The following SWT1 variants were observed in gnomAD, a reference collection of about 807,000 sequenced individuals.
SWT1 encodes the protein SWT1 RNA endoribonuclease homolog, also known as transcriptional protein SWT1.
SWT1 carries 33 observed loss-of-function variants against 107.3 expected under a neutral mutation model. That is an observed-to-expected ratio of 0.31 (90% CI 0.23 to 0.41). SWT1 has a LOEUF of 0.41. Ranked by LOEUF, SWT1 falls within the 10% of genes least tolerant of loss-of-function variation. The pLI is 1.00. For missense variants in SWT1, 898 were observed against 1,028.9 expected (o/e 0.87, Z 1.74); for synonymous variants, 345 against 348.3 (o/e 0.99, Z 0.11).
chr1:185,223,670 A>C (rs1659842283), intron 15 of SWT1, among the ~76,000 whole-genome samples: 1 of 152,200 alleles, frequency 6.6e-6, no homozygotes, highest in African/African-American at 2.4e-5. Context: ...CTTTAAGTTC[A>C]GGGGTACATG....
At chr1:185,286,825 C>G (rs762231767) in intron 18 of SWT1, among the ~76,000 whole-genome samples, 20 of 151,922 alleles carry the variant, frequency 1.3e-4, no homozygotes, top group Non-Finnish European at 2.4e-4. Flanking sequence ...ACTTCTAGTA[C>G]AATGTTGAAT....
chr1:185,198,244 G>C (rs1031588971), intron 10 of SWT1, among the ~76,000 whole-genome samples: 2 of 152,126 alleles, frequency 1.3e-5, no homozygotes, highest in African/African-American at 4.8e-5. Flanking sequence ...GACGTTGTGT[G>C]GTTTTGAGTG....
chr1:185,288,654 T>G (rs1052498554), intron 18 of SWT1, among the ~76,000 whole-genome samples: 2 of 152,058 alleles, frequency 1.3e-5, no homozygotes, highest in African/African-American at 2.4e-5. Context: ...AGTGTAACTG[T>G]TAAAATAAAA....
chr1:185,195,172 C>T lies in SWT1; in HGVS notation c.1523+4530C>T, dbSNP rs556649712. On this transcript the variant is annotated intron_variant, in intron 10 of 18. Coordinates refer to ENST00000367500, the MANE Select transcript of SWT1 (RefSeq NM_017673.7). ...TATCCCTCAACCACCCGACAGGCCCCGGTATGTGGTGTTCCCCTCCCTGTG... is the reference window on the plus strand; with the variant it reads ...TATCCCTCAACCACCCGACAGGCCCTGGTATGTGGTGTTCCCCTCCCTGTG... Among the ~76,000 whole-genome samples, 39 of 152,226 alleles carry T rather than the reference C, an allele frequency of 2.6e-4. No individual in the cohort carries two copies. In the South Asian group the frequency reaches 6.2e-3, roughly 24 times the overall value.
At chr1:185,267,410 A>AAT (rs1281777863) in intron 16 of SWT1, among the ~76,000 whole-genome samples, 84 of 152,326 alleles carry the variant, frequency 5.5e-4, no homozygotes, top group Non-Finnish European at 5.9e-5. Flanking sequence ...AGTGTATGTA[A>AAT]AGCAGGGTCA....
At chr1:185,283,165 A>T (rs1664742097) in intron 18 of SWT1, among the ~76,000 whole-genome samples, 1 of 152,172 alleles carries the variant, frequency 6.6e-6, no homozygotes, top group Non-Finnish European at 1.5e-5. Flanking sequence ...CATAAAACTG[A>T]TGGGTTCTAA....
intron 6 of SWT1, among the ~76,000 whole-genome samples, chr1:185,181,186 G>A (rs1025718046): frequency 6.6e-6 from 1 of 152,138 alleles, no homozygotes; most frequent in Non-Finnish European, 1.5e-5. Flanking sequence ...GAGACTTACT[G>A]GAGCCCGGGA....
chr1:185,239,133 T>C (rs1475809392), intron 16 of SWT1, among the ~76,000 whole-genome samples: 1 of 152,086 alleles, frequency 6.6e-6, no homozygotes, highest in Non-Finnish European at 1.5e-5. Context: ...AAGAAGTGAA[T>C]GAAAACATAT....
At chr1:185,166,736 C>G (rs878914027) in intron 3 of SWT1, 84 bp downstream of exon 3, 4 of 828,538 alleles carry the variant, frequency 4.8e-6, no homozygotes, top group Middle Eastern at 2.9e-4. Context: ...TCCTCCTATA[C>G]TTTTTGATAG....
intron 11 of SWT1, among the ~76,000 whole-genome samples, chr1:185,203,064 A>G (rs1658014624): frequency 6.6e-6 from 1 of 152,228 alleles, no homozygotes. Flanking sequence ...TTTTTACATT[A>G]TAATCACTGT....
chr1:185,171,982 C>T (rs569626569), intron 4 of SWT1, among the ~76,000 whole-genome samples: 109 of 152,286 alleles, frequency 7.2e-4, no homozygotes, highest in Admixed American at 2.6e-3. Flanking sequence ...TATAAAAACT[C>T]TGTTTATGGT....
chr1:185,163,507 C>T (rs929156546), intron 2 of SWT1, among the ~76,000 whole-genome samples: 4 of 151,304 alleles, frequency 2.6e-5, no homozygotes, highest in African/African-American at 9.7e-5. Context: ...GATTTTCTTG[C>T]CTCAGCCTCC....
At chr1:185,166,424 A>C in intron 2 of SWT1, 148 bp from the exon 3 acceptor site, 1 of 530,688 alleles carries the variant, frequency 1.9e-6, no homozygotes, top group Non-Finnish European at 3.3e-6. Flanking sequence ...CCTTTTACCA[A>C]AGTTTGTGTA....
rs757567838 is a variant in SWT1 at position 185,174,877 on chromosome 1, C to G, written c.730C>G (p.Leu244Val). 2 of 1,614,040 alleles carry G rather than the reference C, an allele frequency of 1.2e-6. No homozygotes were observed. Among genetic ancestry groups the G allele is most frequent in the South Asian group, 1.1e-5 (1 of 91,070 alleles). ...FKIPIKSRDT[L>V]QKLVEENVFN... Reference sequence around the variant, plus strand: ...AATCCCTATAAAATCCCGTGACACCCTCCAGAAACTTGTAGAAGAAAATGT... The same window carrying G: ...AATCCCTATAAAATCCCGTGACACCGTCCAGAAACTTGTAGAAGAAAATGT... Residue 244 changes from leucine to valine, a missense_variant, in exon 5 of 19, where the codon CTC becomes GTC. Around this residue, in one of 6 missense-constraint regions of SWT1, gnomAD observed 382 missense variants for 362.4 expected, o/e 1.05. Transcript: ENST00000367500.
At chr1:185,219,019 A>T (rs1490634702) in intron 14 of SWT1, among the ~76,000 whole-genome samples, 3 of 152,230 alleles carry the variant, frequency 2.0e-5, no homozygotes, top group African/African-American at 7.2e-5. Context: ...CATTAGGTAA[A>T]TGCTGGGCTG....
chr1:185,172,097 A>G (rs1285523011), intron 4 of SWT1, among the ~76,000 whole-genome samples: 1 of 152,206 alleles, frequency 6.6e-6, no homozygotes, highest in Admixed American at 6.5e-5. Flanking sequence ...TGTGTCCTCT[A>G]CTGCCTCTTG....
intron 9 of SWT1, among the ~76,000 whole-genome samples, chr1:185,187,240 A>G (rs1400043373): frequency 6.6e-6 from 1 of 150,556 alleles, no homozygotes; most frequent in Non-Finnish European, 1.5e-5. Context: ...TTGTATTTTT[A>G]GTAGAGATGG....
chr1:185,275,216 G>A (rs1207454157), intron 17 of SWT1, among the ~76,000 whole-genome samples: 1 of 151,968 alleles, frequency 6.6e-6, no homozygotes, highest in Non-Finnish European at 1.5e-5. Context: ...TCTGCAGTGT[G>A]TTGACATTTG....
rs565442782 is a variant in SWT1 at position 185,184,419 on chromosome 1, T to C, written c.1240+75T>C. On this transcript the variant is annotated intron_variant, in intron 8 of 18. Transcript: ENST00000367500. Reference sequence around the variant, plus strand: ...ATTTTATATTAACAATGATGGGCTTTTTTTGCCATGAACATGTCTCCATTT... The same window carrying C: ...ATTTTATATTAACAATGATGGGCTTCTTTTGCCATGAACATGTCTCCATTT... 113 of 867,994 alleles carry C rather than the reference T, an allele frequency of 1.3e-4. No individual in the cohort carries two copies. In the East Asian group the frequency reaches 2.4e-3, roughly 19 times the overall value. The allele number at this position is 867,994 out of a possible 1,614,324, so 53.8% of individuals were successfully genotyped here. A position where few individuals can be genotyped will look rare whatever the true frequency, so the allele number is the denominator to read the frequency against.
Sources: gnomAD v4.1 joint callset for allele counts (sites outside exome capture counted in the v4.1 genomes callset) on GRCh38, gnomAD v4.1.1 for gene constraint, gnomAD v4.1.1 regional missense constraint, MANE v1.5 for transcripts, NCBI Gene and HGNC (gene_info 2026-07-23, HGNC 2026-07-21) for gene names.